Variants in HDAC9 observed in about 807,000 individuals in gnomAD.
The protein encoded by HDAC9 is histone deacetylase 9, also known as MEF-2 interacting transcription repressor (MITR) protein.
HDAC9 carries 41 observed loss-of-function variants against 139.4 expected under a neutral mutation model. The ratio of observed to expected loss-of-function variants is 0.29; its 90% CI spans 0.23 to 0.38. The LOEUF (loss-of-function observed/expected upper bound fraction) is 0.38. Among genes scored for constraint, HDAC9 ranks in the 10% least tolerant of loss-of-function variants. The probability of loss-of-function intolerance (pLI) is 1.00; values close to 1 mark genes in which losing one functional copy is unlikely to be tolerated. For missense variants in HDAC9, 1,147 were observed against 1,297.0 expected, an observed-to-expected ratio of 0.88 and a Z score of 1.78; for synonymous variants, 517 against 476.2, an observed-to-expected ratio of 1.09 and a Z score of -1.12.
intron 1 of HDAC9, among the ~76,000 whole-genome samples, chr7:18,392,315 T>TCA (rs57932620): frequency 0.092 from 11,015 of 119,162 alleles, 461 homozygotes; most frequent in Middle Eastern, 0.14. Context: ...TCTCTCTCTC[T>TCA]CACACACACA....
chr7:18,968,553 C>CAGGCAATGAAGAAACA (rs1784036457), intron 24 of HDAC9, among the ~76,000 whole-genome samples: 1 of 152,096 alleles, frequency 6.6e-6, no homozygotes, highest in Non-Finnish European at 1.5e-5. Context: ...ATGAGTACCG[C>CAGGCAATGAAGAAACA]AGATTCCAGG....
chr7:18,836,007 T>G lies in HDAC9; in HGVS notation c.2684+10T>G. On this transcript the variant is annotated intron_variant, in intron 21 of 25. Coordinates refer to ENST00000686413, the MANE Select transcript of HDAC9 (RefSeq NM_178425.4). Reference sequence around the variant, plus strand: ...ACCTTGAAGCATTCAGGTTGGTACTTCTTTCTCTCTGAAAGTGGCAAATTG... The same window carrying G: ...ACCTTGAAGCATTCAGGTTGGTACTGCTTTCTCTCTGAAAGTGGCAAATTG... 1 of 1,487,708 alleles carries G rather than the reference T, an allele frequency of 6.7e-7. No homozygotes were observed. The highest frequency in any genetic ancestry group is 2.1e-5 in the Admixed American group (1 of 47,182). The allele number at this position is 1,487,708 out of a possible 1,614,324, so 92.2% of individuals were successfully genotyped here. A position where few individuals can be genotyped will look rare whatever the true frequency, so the allele number is the denominator to read the frequency against.
chr7:18,466,864 CGTCT>C (rs1484651579), intron 1 of HDAC9, among the ~76,000 whole-genome samples: 3 of 152,160 alleles, frequency 2.0e-5, no homozygotes, highest in African/African-American at 7.2e-5. Context: ...TTCTGAAGAT[CGTCT>C]GTCTGTTTCA....
intron 1 of HDAC9, among the ~76,000 whole-genome samples, chr7:18,109,406 CTGA>C: frequency 6.6e-6 from 1 of 152,108 alleles, no homozygotes; most frequent in Non-Finnish European, 1.5e-5. Flanking sequence ...AGTGTAGTTT[CTGA>C]TGATAAGTTA....
At chr7:18,533,638 G>A (rs187300843) in intron 2 of HDAC9, among the ~76,000 whole-genome samples, 31 of 152,010 alleles carry the variant, frequency 2.0e-4, no homozygotes, top group African/African-American at 7.5e-4. Flanking sequence ...GTATAACAGT[G>A]TATCTTACCT....
intron 22 of HDAC9, 22 bp downstream of exon 22, chr7:18,874,618 T>A: frequency 7.2e-7 from 1 of 1,382,478 alleles, no homozygotes. Context: ...TTTCAGGACT[T>A]TACGAAAGGC....
intron 24 of HDAC9, among the ~76,000 whole-genome samples, chr7:18,954,777 C>T (rs1333863500): frequency 6.6e-6 from 1 of 151,952 alleles, no homozygotes; most frequent in East Asian, 1.9e-4. Context: ...CACAAACTAA[C>T]ATGAAGATTA....
At chr7:18,842,599 G>GA (rs1015985290) in intron 21 of HDAC9, among the ~76,000 whole-genome samples, 2 of 151,778 alleles carry the variant, frequency 1.3e-5, no homozygotes, top group African/African-American at 2.4e-5. Flanking sequence ...CGGGTCACAA[G>GA]AAAAAAAATC....
At chr7:18,244,294 C>T (rs1246405840) in intron 2 of HDAC9, among the ~76,000 whole-genome samples, 1 of 152,068 alleles carries the variant, frequency 6.6e-6, no homozygotes, top group Non-Finnish European at 1.5e-5. Flanking sequence ...AACAAAACCC[C>T]CCTACTATGC....
intron 22 of HDAC9, among the ~76,000 whole-genome samples, chr7:18,904,696 C>T (rs1359107397): frequency 4.7e-5 from 7 of 150,306 alleles, no homozygotes; most frequent in Non-Finnish European, 3.0e-5. Flanking sequence ...CTGCCTCAGC[C>T]TTCCGAGTAG....
At chr7:18,635,929 T>C (rs192800699) in intron 8 of HDAC9, among the ~76,000 whole-genome samples, 2 of 152,250 alleles carry the variant, frequency 1.3e-5, no homozygotes, top group East Asian at 3.9e-4. Flanking sequence ...GCTATTGCTC[T>C]GTAATTTCAT....
At chr7:18,630,129 G>C (rs1406505127) in intron 7 of HDAC9, among the ~76,000 whole-genome samples, 1 of 151,962 alleles carries the variant, frequency 6.6e-6, no homozygotes, top group Non-Finnish European at 1.5e-5. Flanking sequence ...CCTAGTTCCA[G>C]TTGTACCTGG....
chr7:18,819,410 A>T (rs757476903), intron 17 of HDAC9, among the ~76,000 whole-genome samples: 2 of 152,252 alleles, frequency 1.3e-5, no homozygotes, highest in Admixed American at 6.5e-5. Context: ...TAAGGAACAC[A>T]AAAATAAATC....
intron 1 of HDAC9, among the ~76,000 whole-genome samples, chr7:18,344,010 T>C (rs1189086349): frequency 6.6e-6 from 1 of 151,882 alleles, no homozygotes; most frequent in East Asian, 1.9e-4. Context: ...ATATCTGCCT[T>C]CTTTACAATT....
At chr7:18,726,282 G>A (rs1259439518) in intron 12 of HDAC9, among the ~76,000 whole-genome samples, 2 of 152,188 alleles carry the variant, frequency 1.3e-5, no homozygotes, top group Non-Finnish European at 2.9e-5. Flanking sequence ...CACTTAGCAT[G>A]TACCAAGCCT....
At position 18,608,028 on chromosome 7, in the gene HDAC9, A is replaced by G. The variant is rs543812039; in HGVS notation, c.664+13999A>G. Among the ~76,000 whole-genome samples, 25 of 152,310 alleles carry G rather than the reference A, an allele frequency of 1.6e-4. No individual in the cohort carries two copies. The South Asian group carries it at 2.5e-3, about 15-fold the overall frequency. ...ATTAAGACTTTAAAAGCATTTAGCC[A>G]TCTGTTGTATAATCATGAGATTTAT... On this transcript the variant is annotated intron_variant, in intron 6 of 25. Coordinates refer to ENST00000686413, the MANE Select transcript of HDAC9 (RefSeq NM_178425.4).
chr7:18,603,069 C>G lies in HDAC9; in HGVS notation c.664+9040C>G, dbSNP rs192654032. 2.6e-5 allele frequency among the ~76,000 whole-genome samples: 4 copies of G among 152,112 alleles called. No individual in the cohort carries two copies. The East Asian group carries it at 7.7e-4, about 29-fold the overall frequency. On this transcript the variant is annotated intron_variant, in intron 6 of 25. Transcript: ENST00000686413. ...ATGTAACAAACACCACTTTTATCTTCGATAATCTTCTTGGCTTTGAAATCT... is the reference window on the plus strand; with the variant it reads ...ATGTAACAAACACCACTTTTATCTTGGATAATCTTCTTGGCTTTGAAATCT...
chr7:18,967,725 A>T (rs1783968544), intron 24 of HDAC9, among the ~76,000 whole-genome samples: 1 of 152,182 alleles, frequency 6.6e-6, no homozygotes. Context: ...ACATTTAATA[A>T]CTCTTAAAAA....
chr7:18,959,615 A>G (rs1174359803), intron 24 of HDAC9, among the ~76,000 whole-genome samples: 2 of 152,128 alleles, frequency 1.3e-5, no homozygotes, highest in Non-Finnish European at 2.9e-5. Flanking sequence ...CTCCACAACC[A>G]TGTGACAATG....
Sources: gnomAD v4.1 joint callset for allele counts (sites outside exome capture counted in the v4.1 genomes callset) on GRCh38, gnomAD v4.1.1 for gene constraint, MANE v1.5 for transcripts, NCBI Gene and HGNC (gene_info 2026-07-23, HGNC 2026-07-21) for gene names.